EBNA1BP2: variants seen among roughly 807,000 people sequenced by gnomAD.
EBNA1BP2 encodes the protein EBNA1 binding protein 2, also known as probable rRNA-processing protein EBP2.
A neutral mutation model predicts 43.5 loss-of-function variants in EBNA1BP2; 36 were observed. The observed-to-expected ratio is 0.83, with a 90% CI of 0.63 to 1.09. The LOEUF (loss-of-function observed/expected upper bound fraction) is 1.09. Among genes scored for constraint, EBNA1BP2 ranks in the 50% least tolerant of loss-of-function variants. The probability of loss-of-function intolerance (pLI) is 0.00; values close to 1 mark genes in which losing one functional copy is unlikely to be tolerated. For missense variants in EBNA1BP2, 332 were observed against 379.1 expected (o/e 0.88, Z 1.03); for synonymous variants, 127 against 141.3 (o/e 0.90, Z 0.72).
intron 2 of EBNA1BP2, 29 bp downstream of exon 2, chr1:43,171,857 A>G (rs1424031749): frequency 1.9e-6 from 3 of 1,611,396 alleles, no homozygotes; most frequent in East Asian, 4.5e-5. Flanking sequence ...CCCATGTCCG[A>G]GTACCCCCGA....
chr1:43,164,414 T>C lies in EBNA1BP2; in HGVS notation c.*29A>G. 3.1e-6 allele frequency: 5 copies of C among 1,614,124 alleles called. No individual in the cohort carries two copies. The highest frequency in any genetic ancestry group is 4.2e-6 in the Non-Finnish European group (5 of 1,179,942). ...GAAATTGCGAGTCTTCATTCCTTTT[T>C]CTTGGTTCTTTGTATTCAAAGATGC... is the stretch of plus-strand genomic sequence containing the variant. On this transcript the variant is annotated 3_prime_UTR_variant, in exon 9 of 9. Transcript: ENST00000236051.
chr1:43,167,933 T>G (rs1194255866), intron 5 of EBNA1BP2, among the ~76,000 whole-genome samples: 1 of 151,986 alleles, frequency 6.6e-6, no homozygotes, highest in Non-Finnish European at 1.5e-5. Context: ...TAAAAATATC[T>G]CCAGGCAGTC....
Position 43,171,527 on chromosome 1 carries a change from T to C in EBNA1BP2, c.275A>G (p.Asp92Gly), listed in dbSNP as rs1261703547. Residue 92 changes from aspartate to glycine, a missense_variant, in exon 3 of 9, where the codon GAC (aspartate) becomes GGC (glycine). Transcript: ENST00000236051. ...GSEAPAPQNK[D>G]QKAVDPEDDF... ...GTCTTCTGGATCAACAGCTTTCTGGTCCTTGTTCTGAGGTGCTGGCGCCTC... is the reference window on the plus strand; with the variant it reads ...GTCTTCTGGATCAACAGCTTTCTGGCCCTTGTTCTGAGGTGCTGGCGCCTC... 2 of 1,613,644 alleles carry C rather than the reference T, an allele frequency of 1.2e-6. No homozygotes were observed. The highest frequency in any genetic ancestry group is 1.7e-6 in the Non-Finnish European group (2 of 1,179,886).
Position 43,166,917 on chromosome 1 carries a change from A to AGCCTGTAAGT in EBNA1BP2, c.614-8_615dup (p.Phe206ThrfsTer6), listed in dbSNP as rs774824112. 1.9e-6 allele frequency: 3 copies of AGCCTGTAAGT among 1,611,958 alleles called. No homozygotes were observed. The highest frequency in any genetic ancestry group is 2.5e-6 in the Non-Finnish European group (3 of 1,179,412). On this transcript the variant is annotated frameshift_variant and splice_region_variant, in exon 7 of 9. Transcript: ENST00000236051. LOFTEE classifies it high-confidence loss of function. ...TCAAGGAAATCCAGTTTATCAGAGA[A>AGCCTGTAAGT]GCCTGTAAGTGAAGAAGTAGTTTTG...
At position 43,170,748 on chromosome 1, in the gene EBNA1BP2, T is replaced by C; in HGVS notation, c.447+8A>G. On this transcript the variant is annotated splice_region_variant and intron_variant, in intron 4 of 8. Transcript: ENST00000236051. Reference sequence around the variant, plus strand: ...TTGACTTTCCAGAGGAAAACTTCTATTTCTTACCTTCTGCATCTGCAGATC... The same window carrying C: ...TTGACTTTCCAGAGGAAAACTTCTACTTCTTACCTTCTGCATCTGCAGATC... The C allele has an allele frequency of 6.2e-7, 1 of 1,602,992 alleles. No individual in the cohort carries two copies. The highest frequency in any genetic ancestry group is 8.5e-7 in the Non-Finnish European group (1 of 1,175,470).
chr1:43,170,974 C>T (rs748365030), intron 3 of EBNA1BP2, 95 bp from the exon 4 acceptor site: 9 of 1,430,726 alleles, frequency 6.3e-6, no homozygotes, highest in Non-Finnish European at 8.2e-6. Flanking sequence ...CTCAGAAGGA[C>T]TCTCAAAATC....
intron 7 of EBNA1BP2, among the ~76,000 whole-genome samples, chr1:43,165,561 T>A (rs1644912934): frequency 6.6e-6 from 1 of 152,200 alleles, no homozygotes; most frequent in Non-Finnish European, 1.5e-5. Flanking sequence ...TTTCCCAGCT[T>A]CCCTCAAGTC....
At chr1:43,166,805 C>T (rs371928130) in intron 7 of EBNA1BP2, 21 bp downstream of exon 7, 3 of 1,597,572 alleles carry the variant, frequency 1.9e-6, no homozygotes, top group Non-Finnish European at 2.6e-6. Flanking sequence ...ACCAAAGAAA[C>T]CATGCCAAAA....
At chr1:43,171,744 C>T in intron 2 of EBNA1BP2, 93 bp from the exon 3 acceptor site, 3 of 1,564,922 alleles carry the variant, frequency 1.9e-6, no homozygotes, top group Non-Finnish European at 2.6e-6. Context: ...AAGTGCTAAT[C>T]CCCAATACCC....
At chr1:43,170,582 CATCTA>C (rs1644951320) in intron 4 of EBNA1BP2, among the ~76,000 whole-genome samples, 169 bp downstream of exon 4, 1 of 152,172 alleles carries the variant, frequency 6.6e-6, no homozygotes, top group Non-Finnish European at 1.5e-5. Flanking sequence ...TTTTTATATG[CATCTA>C]ATTGGTGGTA....
chr1:43,169,849 G>C (rs189022633), intron 4 of EBNA1BP2, among the ~76,000 whole-genome samples: 1 of 152,248 alleles, frequency 6.6e-6, no homozygotes, highest in East Asian at 1.9e-4. Context: ...TCAGATTGGT[G>C]GTGGCGTTAA....
upstream of EBNA1BP2, chr1:43,172,521 A>G: frequency 1.4e-6 from 2 of 1,408,998 alleles, no homozygotes; most frequent in Non-Finnish European, 1.9e-6. Context: ...GAAAAGGCAG[A>G]AAAAGGAGCC....
At position 43,164,496 on chromosome 1, in the gene EBNA1BP2, A is replaced by T. The variant is rs1415686196; in HGVS notation, c.871-3T>A. On this transcript the variant is annotated splice_polypyrimidine_tract_variant and splice_region_variant and intron_variant, in intron 8 of 8. Coordinates refer to ENST00000236051, the MANE Select transcript of EBNA1BP2 (RefSeq NM_006824.3). The stretch of plus-strand genomic sequence containing the variant: ...CTTGTTCGTTTTCCAGGTCTCTTCT[A>T]CAGAAAAAGACATACCACATCTGGT... The T allele has an allele frequency of 1.2e-6, 2 of 1,613,922 alleles. No individual in the cohort carries two copies. The highest frequency in any genetic ancestry group is 8.5e-7 in the Non-Finnish European group (1 of 1,180,034).
At chr1:43,166,694 G>T (rs768261898) in intron 7 of EBNA1BP2, 132 bp downstream of exon 7, 12 of 877,296 alleles carry the variant, frequency 1.4e-5, no homozygotes, top group Non-Finnish European at 2.1e-5. Context: ...TAGGGGTCCT[G>T]GCCCCAGGCA....
chr1:43,169,781 G>T (rs572615344), intron 4 of EBNA1BP2, among the ~76,000 whole-genome samples: 2 of 152,102 alleles, frequency 1.3e-5, no homozygotes, highest in Non-Finnish European at 2.9e-5. Context: ...GAACCAGGCC[G>T]CACAGCAGAA....
chr1:43,164,832 C>G, intron 7 of EBNA1BP2, 27 bp from the exon 8 acceptor site: 2 of 1,611,928 alleles, frequency 1.2e-6, no homozygotes, highest in Non-Finnish European at 1.7e-6. Flanking sequence ...CTAGACATCA[C>G]TACAGCACTG....
In EBNA1BP2 at chr1:43,172,248, G is replaced by T. The variant is rs755635705; in HGVS notation, c.-130C>A. 6.4e-7 allele frequency: 1 copy of T among 1,560,294 alleles called. No homozygotes were observed. The highest frequency in any genetic ancestry group is 1.2e-5 in the South Asian group (1 of 85,902). On this transcript the variant is annotated 5_prime_UTR_variant, in exon 1 of 9. Coordinates refer to ENST00000236051, the MANE Select transcript of EBNA1BP2 (RefSeq NM_006824.3). ...CTACTCCCACGCCGTGGCTCCACGT[G>T]CCACCGAATCGCTCCAGCGCCAGCA...
upstream of EBNA1BP2, chr1:43,172,547 C>T: frequency 3.5e-6 from 3 of 863,264 alleles, no homozygotes; most frequent in Non-Finnish European, 4.8e-6. Context: ...GGTGGGGTGG[C>T]GCGGAGGAGG....
intron 4 of EBNA1BP2, among the ~76,000 whole-genome samples, chr1:43,169,597 G>A (rs1316706536): frequency 6.6e-6 from 1 of 152,172 alleles, no homozygotes; most frequent in Non-Finnish European, 1.5e-5. Context: ...TAGAGGATTA[G>A]TTCTAGGACC....
Sources: gnomAD v4.1 joint callset for allele counts (sites outside exome capture counted in the v4.1 genomes callset) on GRCh38, gnomAD v4.1.1 for gene constraint, MANE v1.5 for transcripts, NCBI Gene and HGNC (gene_info 2026-07-23, HGNC 2026-07-21) for gene names.